CENPH: variants seen among roughly 807,000 people sequenced by gnomAD.
CENPH encodes the protein CENP-H.
Under a neutral mutation model 42.9 loss-of-function variants are expected in CENPH, and 40 were observed. That is an observed-to-expected ratio of 0.93 (90% CI 0.72 to 1.21). CENPH has a LOEUF of 1.21. CENPH is among the 50% of genes most tolerant of loss of function. The pLI is 0.00. For synonymous variants in CENPH, 88 were observed against 96.5 expected (o/e 0.91, Z 0.52); for missense variants, 302 against 292.9 (o/e 1.03, Z -0.23).
In CENPH at chr5:69,205,770, A is replaced by G. The variant is rs375642065; in HGVS notation, c.488-2426A>G. On this transcript the variant is annotated intron_variant, in intron 7 of 8. Transcript: ENST00000283006. ...GTCGCCCAGGCTGGAGTGCAGTGGCACTATCTCAGCTCACTGCAAGCTCCA... is the reference window on the plus strand; with the variant it reads ...GTCGCCCAGGCTGGAGTGCAGTGGCGCTATCTCAGCTCACTGCAAGCTCCA... Among the ~76,000 whole-genome samples, 9 of 125,086 alleles carry G rather than the reference A, an allele frequency of 7.2e-5. No individual in the cohort carries two copies. In the South Asian group the frequency reaches 1.6e-3, roughly 22 times the overall value. The allele number at this position is 125,086 out of a possible 152,430, so 82.1% of individuals were successfully genotyped here.
intron 8 of CENPH, 140 bp from the exon 9 acceptor site, chr5:69,209,567 A>G (rs531741663): frequency 1.9e-6 from 1 of 536,908 alleles, no homozygotes; most frequent in South Asian, 2.6e-5. Context: ...AGAATGTATT[A>G]TCATTTTTTT....
chr5:69,206,713 CTCCA>C (rs1265271231), intron 7 of CENPH, among the ~76,000 whole-genome samples: 2 of 152,132 alleles, frequency 1.3e-5, no homozygotes, highest in African/African-American at 4.8e-5. Context: ...CCAGGTTGGT[CTCCA>C]ACTCCTGACC....
In CENPH at chr5:69,193,109, C is replaced by T. The variant is rs573381543; in HGVS notation, c.190+1259C>T. 2.0e-5 allele frequency among the ~76,000 whole-genome samples: 3 copies of T among 150,706 alleles called. No individual in the cohort carries two copies. The South Asian group carries it at 6.3e-4, about 32-fold the overall frequency. On this transcript the variant is annotated intron_variant, in intron 2 of 8. Transcript: ENST00000283006. ...CAAAACTCCGTCTCAAAAACAAAAA[C>T]AAACAAAATATATATATATATACAC...
intron 1 of CENPH, among the ~76,000 whole-genome samples, chr5:69,190,129 T>C (rs1330162129): frequency 6.6e-6 from 1 of 152,176 alleles, no homozygotes; most frequent in Non-Finnish European, 1.5e-5. Context: ...TACCATTTCT[T>C]TTAGAACTAC....
chr5:69,200,714 C>T lies in CENPH; in HGVS notation c.372-1792C>T, dbSNP rs13180913. ...TCCTATCCCAAACTTTCTGAATCAG[C>T]GTATCTTTTTTTTTTTTTTTTTTTT... On this transcript the variant is annotated intron_variant, in intron 5 of 8. Coordinates refer to ENST00000283006, the MANE Select transcript of CENPH (RefSeq NM_022909.4). 4.2e-4 allele frequency among the ~76,000 whole-genome samples: 32 copies of T among 75,418 alleles called. 1 individual carries two copies. The South Asian group carries it at 0.015, about 37-fold the overall frequency. 49.5% of individuals were successfully genotyped at this position (75,418 alleles called of 152,430 possible).
At chr5:69,193,197 ATATATG>A (rs1028185236) in intron 2 of CENPH, among the ~76,000 whole-genome samples, 38 of 151,844 alleles carry the variant, frequency 2.5e-4, no homozygotes, top group Non-Finnish European at 4.7e-4. Flanking sequence ...ATATATGTAT[ATATATG>A]TATATGTATA....
chr5:69,192,076 A>G (rs763447828), intron 2 of CENPH, among the ~76,000 whole-genome samples: 1 of 152,130 alleles, frequency 6.6e-6, no homozygotes, highest in Non-Finnish European at 1.5e-5. Flanking sequence ...TTTTGTAGAC[A>G]CAGGGTTTTG....
chr5:69,191,356 C>CA (rs949745386), intron 1 of CENPH, among the ~76,000 whole-genome samples: 19 of 151,938 alleles, frequency 1.3e-4, no homozygotes, highest in Admixed American at 3.9e-4. Context: ...ACTAAAAATA[C>CA]AAAAAATTAG....
In CENPH at chr5:69,209,557, A is replaced by T. The variant is rs564381000; in HGVS notation, c.652-150A>T. 1.1e-4 allele frequency: 55 copies of T among 520,640 alleles called. No individual in the cohort carries two copies. The South Asian group carries it at 1.2e-3, about 11-fold the overall frequency. 32.3% of individuals were successfully genotyped at this position (520,640 alleles called of 1,614,324 possible). On this transcript the variant is annotated intron_variant, in intron 8 of 8. Transcript: ENST00000283006. ...CTCCGACTCAAAAAAAAAAAATAGAAGAATGTATTATCATTTTTTTCTTAT... is the reference window on the plus strand; with the variant it reads ...CTCCGACTCAAAAAAAAAAAATAGATGAATGTATTATCATTTTTTTCTTAT...
At chr5:69,197,841 C>T (rs926957603) in intron 5 of CENPH, among the ~76,000 whole-genome samples, 2 of 102,582 alleles carry the variant, frequency 1.9e-5, no homozygotes, top group Non-Finnish European at 2.0e-5. Context: ...TTATTATGAG[C>T]AAAAAAAAAA....
intron 5 of CENPH, among the ~76,000 whole-genome samples, chr5:69,200,006 G>A (rs1277262629): frequency 6.6e-6 from 1 of 151,650 alleles, no homozygotes; most frequent in East Asian, 1.9e-4. Flanking sequence ...CCAGCTACTC[G>A]GGAGGCTGAG....
intron 8 of CENPH, among the ~76,000 whole-genome samples, chr5:69,209,181 A>G (rs1020028123): frequency 4.6e-5 from 7 of 152,180 alleles, no homozygotes; most frequent in South Asian, 2.1e-4. Flanking sequence ...AATATTCCCT[A>G]ACATTATGGA....
At chr5:69,206,188 G>GT (rs869288321) in intron 7 of CENPH, among the ~76,000 whole-genome samples, 173 of 142,078 alleles carry the variant, frequency 1.2e-3, no homozygotes, top group African/African-American at 1.1e-3. Flanking sequence ...TGTTGGTTGG[G>GT]TTTTTTTTTT....
Position 69,195,781 on chromosome 5 carries a change from GCATTAGACAGGTAATTATTA to G in CENPH, c.309_314+14del, listed in dbSNP as rs1561321837. ...AGTTGCTTTTGAGATAAAAAAGCTT[GCATTAGACAGGTAATTATTA>G]CATTTTAAATATAAGCATTGTGAAC... On this transcript the variant is annotated splice_donor_variant and splice_donor_5th_base_variant and coding_sequence_variant and intron_variant, in exon 4 of 9. Coordinates refer to ENST00000283006, the MANE Select transcript of CENPH (RefSeq NM_022909.4). LOFTEE classifies it high-confidence loss of function. 1 of 1,493,240 alleles carries G rather than the reference GCATTAGACAGGTAATTATTA, an allele frequency of 6.7e-7. No individual in the cohort carries two copies. The allele number at this position is 1,493,240 out of a possible 1,614,324, so 92.5% of individuals were successfully genotyped here.
intron 7 of CENPH, among the ~76,000 whole-genome samples, chr5:69,203,204 A>G (rs930592662): frequency 2.0e-5 from 3 of 152,158 alleles, no homozygotes; most frequent in East Asian, 1.9e-4. Context: ...GTCTTGCTCT[A>G]TCACCCAGGT....
chr5:69,195,046 A>G (rs1203408500), intron 3 of CENPH, among the ~76,000 whole-genome samples: 3 of 151,932 alleles, frequency 2.0e-5, no homozygotes, highest in South Asian at 4.1e-4. Flanking sequence ...CCTGACCAAC[A>G]TGGAGAAACC....
At position 69,210,274 on chromosome 5, in the gene CENPH, C is replaced by T. The variant is rs1748225966; in HGVS notation, c.*475C>T. On this transcript the variant is annotated 3_prime_UTR_variant, in exon 9 of 9. Transcript: ENST00000283006. ...TCGGCCTACCGAAGTGCTAGGATTA[C>T]AGACGTAAGCCACCGAGCCTGGTCT... 6.6e-6 allele frequency: 1 copy of T among 152,236 alleles called. No homozygotes were observed. The highest frequency in any genetic ancestry group is 2.4e-5 in the African/African-American group (1 of 41,452). 9.4% of individuals were successfully genotyped at this position (152,236 alleles called of 1,614,324 possible). A position where few individuals can be genotyped will look rare whatever the true frequency, so the allele number is the denominator to read the frequency against.
intron 5 of CENPH, among the ~76,000 whole-genome samples, chr5:69,200,727 T>TTTTTG (rs1748045412): frequency 1.6e-5 from 1 of 62,128 alleles, no homozygotes; most frequent in Non-Finnish European, 2.8e-5. Flanking sequence ...ATCTTTTTTT[T>TTTTTG]TTTTTTTTTT....
chr5:69,204,061 A>ATATAG (rs547233348), intron 7 of CENPH, among the ~76,000 whole-genome samples: 1 of 65,302 alleles, frequency 1.5e-5, no homozygotes, highest in South Asian at 6.4e-4. Flanking sequence ...TTATATATAT[A>ATATAG]AATATATATA....
Sources: gnomAD v4.1 joint callset for allele counts (sites outside exome capture counted in the v4.1 genomes callset) on GRCh38, gnomAD v4.1.1 for gene constraint, MANE v1.5 for transcripts, NCBI Gene and HGNC (gene_info 2026-07-23, HGNC 2026-07-21) for gene names.